Variants in ATP6V1H observed in about 807,000 individuals in gnomAD.
The protein encoded by ATP6V1H is ATPase H+ transporting V1 subunit H.
ATP6V1H carries 39 observed loss-of-function variants against 71.7 expected under a neutral mutation model. The observed-to-expected ratio is 0.54, with a 90% confidence interval of 0.42 to 0.71. The LOEUF is 0.71. Among genes scored for constraint, ATP6V1H ranks in the 30% least tolerant of loss-of-function variants. ATP6V1H has a pLI of 0.00. For missense variants in ATP6V1H, 509 were observed against 594.9 expected (o/e 0.86, Z 1.50); for synonymous variants, 192 against 199.3 (o/e 0.96, Z 0.31).
intron 6 of ATP6V1H, among the ~76,000 whole-genome samples, chr8:53,814,150 G>A (rs1810370994): frequency 6.6e-6 from 1 of 152,062 alleles, no homozygotes. Context: ...AACCAAAAGG[G>A]CATAAAAGAT....
In ATP6V1H at chr8:53,801,791, G is replaced by A; in HGVS notation, c.677+8C>T. 2 of 1,608,570 alleles carry A rather than the reference G, an allele frequency of 1.2e-6. No homozygotes were observed. Among genetic ancestry groups the A allele is most frequent in the Non-Finnish European group, 1.7e-6 (2 of 1,175,824 alleles). On this transcript the variant is annotated splice_region_variant and intron_variant, in intron 8 of 13. Transcript: ENST00000359530. ...TGTTATTTTACATTAAAAGGAAAGGGCACTCACCAATTTACCCCATCTGCT... is the reference window on the plus strand; with the variant it reads ...TGTTATTTTACATTAAAAGGAAAGGACACTCACCAATTTACCCCATCTGCT...
chr8:53,763,657 C>T (rs1350933115), intron 11 of ATP6V1H, among the ~76,000 whole-genome samples: 1 of 151,838 alleles, frequency 6.6e-6, no homozygotes, highest in Non-Finnish European at 1.5e-5. Flanking sequence ...TCTGGTACAG[C>T]ATGTAAAGAG....
chr8:53,753,048 A>C (rs1252775790), intron 12 of ATP6V1H, among the ~76,000 whole-genome samples: 2 of 151,736 alleles, frequency 1.3e-5, no homozygotes, highest in African/African-American at 2.4e-5. Context: ...GAAAAAAAAA[A>C]CAACAACCCT....
intron 4 of ATP6V1H, among the ~76,000 whole-genome samples, chr8:53,822,190 T>G (rs1810685564): frequency 6.6e-6 from 1 of 152,100 alleles, no homozygotes; most frequent in Non-Finnish European, 1.5e-5. Flanking sequence ...ATGCAAAAAT[T>G]TAGAGACTAC....
In ATP6V1H at chr8:53,763,045, T is replaced by A. The variant is rs895052472; in HGVS notation, c.1176-6389A>T. On this transcript the variant is annotated intron_variant, in intron 11 of 13. Transcript: ENST00000359530. ...TTGTAAGAATACAGTATATAATACA[T>A]GTAACATTCAAAATATGTGTTAATC... Among the ~76,000 whole-genome samples, 4 of 152,376 alleles carry A rather than the reference T, an allele frequency of 2.6e-5. No homozygotes were observed. In the South Asian group the frequency reaches 8.3e-4, roughly 32 times the overall value.
chr8:53,799,693 C>T (rs1809848236), intron 8 of ATP6V1H, among the ~76,000 whole-genome samples: 1 of 152,174 alleles, frequency 6.6e-6, no homozygotes, highest in Middle Eastern at 3.4e-3. Flanking sequence ...GACTAACACC[C>T]AAGGTGATGG....
intron 13 of ATP6V1H, among the ~76,000 whole-genome samples, chr8:53,731,655 A>G (rs1269626751): frequency 6.6e-6 from 1 of 152,192 alleles, no homozygotes; most frequent in African/African-American, 2.4e-5. Context: ...TTGGGACGCA[A>G]GTCTGCTGAA....
At chr8:53,722,604 G>A (rs976805516) in intron 13 of ATP6V1H, among the ~76,000 whole-genome samples, 5 of 152,052 alleles carry the variant, frequency 3.3e-5, no homozygotes, top group African/African-American at 1.2e-4. Flanking sequence ...TGGAGATGGT[G>A]TCCCATTTAT....
chr8:53,734,767 C>T (rs190226317), intron 13 of ATP6V1H, among the ~76,000 whole-genome samples: 20 of 152,282 alleles, frequency 1.3e-4, no homozygotes, highest in South Asian at 8.3e-4. Flanking sequence ...TGCATCCACC[C>T]GCTACCGGGC....
At chr8:53,768,327 T>C (rs563508507) in intron 11 of ATP6V1H, among the ~76,000 whole-genome samples, 58 of 152,302 alleles carry the variant, frequency 3.8e-4, no homozygotes, top group Non-Finnish European at 8.8e-5. Flanking sequence ...CCTCATTCAC[T>C]GTTGGTGGGA....
In ATP6V1H at chr8:53,834,345, C is replaced by A. The variant is rs2130533113; in HGVS notation, c.114-1259G>T. On this transcript the variant is annotated intron_variant, in intron 2 of 13. Transcript: ENST00000359530. ...AAAAAGCACTCGCTGTATATTAGAA[C>A]ATGGGTAAAAGCAAGTGTAAAATTA... 2.0e-5 allele frequency among the ~76,000 whole-genome samples: 3 copies of A among 152,320 alleles called. No homozygotes were observed. The Middle Eastern group carries it at 0.01, about 518-fold the overall frequency.
chr8:53,766,672 GC>G (rs1190240271), intron 11 of ATP6V1H, among the ~76,000 whole-genome samples: 3 of 152,080 alleles, frequency 2.0e-5, no homozygotes, highest in Admixed American at 1.3e-4. Context: ...CTCTGAACTG[GC>G]CCCCCCAGGG....
chr8:53,771,130 T>C (rs1475606073), intron 10 of ATP6V1H, among the ~76,000 whole-genome samples: 1 of 152,140 alleles, frequency 6.6e-6, no homozygotes, highest in Non-Finnish European at 1.5e-5. Flanking sequence ...CCTGCAAGGT[T>C]AGCATTTTTA....
chr8:53,826,543 C>T (rs1003686143), intron 4 of ATP6V1H, among the ~76,000 whole-genome samples: 3 of 149,414 alleles, frequency 2.0e-5, no homozygotes, highest in African/African-American at 7.4e-5. Flanking sequence ...GTGAAACAAG[C>T]AAAAAATAAG....
chr8:53,743,761 C>A, intron 12 of ATP6V1H, 71 bp from the exon 13 acceptor site: 1 of 962,672 alleles, frequency 1.0e-6, no homozygotes, highest in South Asian at 1.5e-5. Context: ...GCAGGCAGCT[C>A]AAATACCAAC....
chr8:53,720,752 T>C (rs531149976), intron 13 of ATP6V1H, among the ~76,000 whole-genome samples: 2 of 152,366 alleles, frequency 1.3e-5, no homozygotes, highest in Admixed American at 6.5e-5. Context: ...CTGACAAATA[T>C]ATTAATCAAT....
chr8:53,715,908 A>G lies in ATP6V1H; in HGVS notation c.*56T>C. 1 of 1,497,604 alleles carries G rather than the reference A, an allele frequency of 6.7e-7. No homozygotes were observed. The highest frequency in any genetic ancestry group is 9.2e-7 in the Non-Finnish European group (1 of 1,088,360). The allele number at this position is 1,497,604 out of a possible 1,614,324, so 92.8% of individuals were successfully genotyped here. ...ACAGTGTTCACTCTTAACTCTAAAC[A>G]CAGTGCTCCCACTACTGGTTCTGCA... On this transcript the variant is annotated 3_prime_UTR_variant, in exon 14 of 14. Coordinates refer to ENST00000359530, the MANE Select transcript of ATP6V1H (RefSeq NM_015941.4).
chr8:53,833,520 C>A (rs1811071666), intron 2 of ATP6V1H, among the ~76,000 whole-genome samples: 1 of 151,548 alleles, frequency 6.6e-6, no homozygotes, highest in African/African-American at 2.4e-5. Flanking sequence ...TTTCTACGAC[C>A]ATTTTTCTCT....
At chr8:53,842,062 A>G (rs1811359826) in intron 1 of ATP6V1H, among the ~76,000 whole-genome samples, 1 of 152,214 alleles carries the variant, frequency 6.6e-6, no homozygotes, top group African/African-American at 2.4e-5. Flanking sequence ...AATTTATACA[A>G]TTGTGGTTAA....
Sources: gnomAD v4.1 joint callset for allele counts (sites outside exome capture counted in the v4.1 genomes callset) on GRCh38, gnomAD v4.1.1 for gene constraint, MANE v1.5 for transcripts, NCBI Gene and HGNC (gene_info 2026-07-23, HGNC 2026-07-21) for gene names.